Variants in KIAA1549L observed in about 807,000 individuals in gnomAD.
The protein encoded by KIAA1549L is KIAA1549 like.
A neutral mutation model predicts 160.7 loss-of-function variants in KIAA1549L; 88 were observed. That is an observed-to-expected ratio of 0.55 (90% CI 0.46 to 0.65). KIAA1549L has a LOEUF of 0.65. Ranked by LOEUF, KIAA1549L falls within the 30% of genes least tolerant of loss-of-function variation. The pLI is 0.00. For missense variants in KIAA1549L, 2,258 were observed against 2,437.5 expected, an observed-to-expected ratio of 0.93 and a Z score of 1.55; for synonymous variants, 950 against 976.7, an observed-to-expected ratio of 0.97 and a Z score of 0.51.
chr11:33,484,551 A>G (rs1590279264), intron 1 of KIAA1549L, among the ~76,000 whole-genome samples: 1 of 152,252 alleles, frequency 6.6e-6, no homozygotes, highest in Non-Finnish European at 1.5e-5. Context: ...CCAGCCACAT[A>G]ATGGGAATTG....
intron 16 of KIAA1549L, among the ~76,000 whole-genome samples, chr11:33,629,021 A>G (rs1851199877): frequency 6.6e-6 from 1 of 151,210 alleles, no homozygotes; most frequent in Non-Finnish European, 1.5e-5. Context: ...TCTGTAAAGT[A>G]TTTTATTTCT....
intron 1 of KIAA1549L, among the ~76,000 whole-genome samples, chr11:33,387,137 ATGAG>A (rs1193546258): frequency 6.6e-6 from 1 of 152,074 alleles, no homozygotes; most frequent in African/African-American, 2.4e-5. Context: ...ATAAAATAAA[ATGAG>A]AGAGAAGTAT....
intron 20 of KIAA1549L, among the ~76,000 whole-genome samples, chr11:33,663,380 C>A (rs1020860506): frequency 6.6e-6 from 1 of 152,164 alleles, no homozygotes; most frequent in Non-Finnish European, 1.5e-5. Context: ...TATTTGCCAG[C>A]CCTGAATTTT....
chr11:33,387,074 T>G (rs1850188590), intron 1 of KIAA1549L, among the ~76,000 whole-genome samples: 1 of 151,894 alleles, frequency 6.6e-6, no homozygotes, highest in Non-Finnish European at 1.5e-5. Flanking sequence ...GCCACTGCAC[T>G]CCAGCCTGGG....
intron 1 of KIAA1549L, among the ~76,000 whole-genome samples, chr11:33,522,799 T>C (rs1463258264): frequency 2.0e-5 from 3 of 152,058 alleles, no homozygotes; most frequent in African/African-American, 7.3e-5. Flanking sequence ...CCTGGGAGAC[T>C]GAGGCAGGAG....
chr11:33,496,109 T>A (rs952732043), intron 1 of KIAA1549L, among the ~76,000 whole-genome samples: 1 of 151,976 alleles, frequency 6.6e-6, no homozygotes, highest in Non-Finnish European at 1.5e-5. Flanking sequence ...GATTACAGGC[T>A]CCTGCCACTA....
intron 16 of KIAA1549L, among the ~76,000 whole-genome samples, chr11:33,644,544 T>G (rs1851666666): frequency 1.3e-5 from 2 of 152,248 alleles, no homozygotes; most frequent in African/African-American, 4.8e-5. Context: ...GTATTGTTTT[T>G]ACCATGTGCT....
intron 1 of KIAA1549L, among the ~76,000 whole-genome samples, chr11:33,534,685 C>T (rs1283671757): frequency 6.6e-6 from 1 of 152,080 alleles, no homozygotes; most frequent in Non-Finnish European, 1.5e-5. Context: ...TCTGTTTTCT[C>T]TTTAAATAAC....
chr11:33,559,894 C>G lies in KIAA1549L; in HGVS notation c.4001C>G (p.Pro1334Arg). The G allele has an allele frequency of 6.2e-7, 1 of 1,614,008 alleles. No homozygotes were observed. Among genetic ancestry groups the G allele is most frequent in the Non-Finnish European group, 8.5e-7 (1 of 1,179,858 alleles). ...GTGGGATTCTACCTCACCTATCCGC[C>G]GCTAACCATTGCTGAACGTGAGTAT... ...ELVGFYLTYP[P>R]LTIAEPLEYP... Residue 1334 changes from proline (P) to arginine (R), a missense_variant, in exon 7 of 21, where the codon CCG becomes CGG. Physicochemically the swap from Pro to Arg is moderately radical, Grantham distance 103. This residue lies in a region of KIAA1549L where 1,359 missense variants were observed against 1,546.6 expected (regional missense o/e 0.88). Coordinates refer to ENST00000658780, the MANE Select transcript of KIAA1549L (RefSeq NM_012194.3).
chr11:33,386,966 G>T (rs1392613144), intron 1 of KIAA1549L, among the ~76,000 whole-genome samples: 1 of 151,996 alleles, frequency 6.6e-6, no homozygotes, highest in Non-Finnish European at 1.5e-5. Context: ...AATTAGCCAG[G>T]TATGGTGGTG....
chr11:33,585,289 CGGG>C (rs1855775268), intron 11 of KIAA1549L, among the ~76,000 whole-genome samples: 1 of 152,152 alleles, frequency 6.6e-6, no homozygotes, highest in Non-Finnish European at 1.5e-5. Flanking sequence ...GAGGCCGAGG[CGGG>C]CGGATCACCT....
At position 33,543,790 on chromosome 11, in the gene KIAA1549L, C is replaced by T. The variant is rs780718619; in HGVS notation, c.2227C>T (p.Pro743Ser). The T allele has an allele frequency of 3.1e-6, 5 of 1,613,928 alleles. No individual in the cohort carries two copies. Among genetic ancestry groups the T allele is most frequent in the South Asian group, 2.2e-5 (2 of 91,090 alleles). The change falls in exon 2 of 21, where the codon CCT becomes TCT. Residue 743 changes from proline to serine, a missense_variant. This residue lies in a region of KIAA1549L where 287 missense variants were observed against 292.3 expected (regional missense o/e 0.98). Transcript: ENST00000658780. ...GGAAACTCATTTAGCTCCAACAGCT[C>T]CTCCCAATGGTTTAACTTCAGCTGC... ...SWETHLAPTA[P>S]PNGLTSAADA...
Position 33,635,603 on chromosome 11 carries a change from G to A in KIAA1549L, c.5410-10083G>A, listed in dbSNP as rs1040606286. Among the ~76,000 whole-genome samples, 6 of 152,214 alleles carry A rather than the reference G, an allele frequency of 3.9e-5. No homozygotes were observed. The South Asian group carries it at 1.0e-3, about 26-fold the overall frequency. ...GTAAAACCCCTGTTCACTTCGGGGCGCCTAACTCAAGAAATTCTAGAATAA... is the reference window on the plus strand; with the variant it reads ...GTAAAACCCCTGTTCACTTCGGGGCACCTAACTCAAGAAATTCTAGAATAA... On this transcript the variant is annotated intron_variant, in intron 16 of 20. Coordinates refer to ENST00000658780, the MANE Select transcript of KIAA1549L (RefSeq NM_012194.3).
chr11:33,665,743 G>A lies in KIAA1549L; in HGVS notation c.6160-2130G>A, dbSNP rs556465256. On this transcript the variant is annotated intron_variant, in intron 20 of 20. Transcript: ENST00000658780. ...CTTCCACCCAGGAGTCTGTCTGTCC[G>A]CCCCACCCCTTGCCATTCATGGCCC... is the stretch of plus-strand genomic sequence containing the variant. Among the ~76,000 whole-genome samples, 91 of 152,116 alleles carry A rather than the reference G, an allele frequency of 6.0e-4. 2 individuals are homozygous for A. In the South Asian group the frequency reaches 0.015, roughly 26 times the overall value.
intron 19 of KIAA1549L, among the ~76,000 whole-genome samples, chr11:33,659,215 T>A (rs764742711): frequency 2.0e-5 from 3 of 152,216 alleles, no homozygotes; most frequent in Non-Finnish European, 4.4e-5. Flanking sequence ...CCCCATTTCA[T>A]TCCCCTTCTC....
chr11:33,663,865 C>T lies in KIAA1549L; in HGVS notation c.6159+2851C>T, dbSNP rs932296603. On this transcript the variant is annotated intron_variant, in intron 20 of 20. Transcript: ENST00000658780. ...ATGGCATCAGGAGCAATAACTGTTA[C>T]GCTGGAGAAAGTGCAAGGAAACATT... Among the ~76,000 whole-genome samples the T allele has an allele frequency of 7.2e-5, 11 of 152,140 alleles. No individual in the cohort carries two copies. The South Asian group carries it at 8.3e-4, about 11-fold the overall frequency.
chr11:33,513,418 G>A (rs2133110245), intron 1 of KIAA1549L, among the ~76,000 whole-genome samples: 1 of 152,276 alleles, frequency 6.6e-6, no homozygotes, highest in Middle Eastern at 3.4e-3. Context: ...ATCGTGGCAT[G>A]TAGATCCTGG....
intron 1 of KIAA1549L, among the ~76,000 whole-genome samples, chr11:33,396,045 A>G (rs1235801004): frequency 6.6e-6 from 1 of 152,124 alleles, no homozygotes; most frequent in African/African-American, 2.4e-5. Context: ...CCATAGGAAT[A>G]CAAGTAAAAT....
Position 33,582,632 on chromosome 11 carries a change from A to G in KIAA1549L, c.4403-706A>G, listed in dbSNP as rs551640106. 2.6e-5 allele frequency among the ~76,000 whole-genome samples: 4 copies of G among 152,328 alleles called. No homozygotes were observed. In the South Asian group the frequency reaches 8.3e-4, roughly 32 times the overall value. On this transcript the variant is annotated intron_variant, in intron 10 of 20. Transcript: ENST00000658780. ...ATACACCCATGTAACCCAACTCTCTATCATACTACAGAGCATGACCATCAC... is the reference window on the plus strand; with the variant it reads ...ATACACCCATGTAACCCAACTCTCTGTCATACTACAGAGCATGACCATCAC...
Sources: allele counts gnomAD v4.1 joint callset (sites outside exome capture counted in the v4.1 genomes callset), GRCh38; gene constraint gnomAD v4.1.1; regional missense constraint gnomAD v4.1.1; transcripts MANE v1.5; gene names NCBI Gene and HGNC (gene_info 2026-07-23, HGNC 2026-07-21).